CCDC57: variants seen among roughly 807,000 people sequenced by gnomAD.
CCDC57 encodes coiled-coil domain-containing protein 57.
A neutral mutation model predicts 118.9 loss-of-function variants in CCDC57; 118 were observed. That is an observed-to-expected ratio of 0.99 (90% CI 0.86 to 1.16). The LOEUF is 1.16. Among genes scored for constraint, CCDC57 ranks in the 50% most tolerant of loss-of-function variants. CCDC57 has a pLI of 0.00. For missense variants in CCDC57, 1,300 were observed against 1,320.7 expected, an observed-to-expected ratio of 0.98 and a Z score of 0.24; for synonymous variants, 527 against 532.9, an observed-to-expected ratio of 0.99 and a Z score of 0.15.
intron 8 of CCDC57, among the ~76,000 whole-genome samples, chr17:82,186,569 A>C (rs908893285): frequency 6.6e-6 from 1 of 152,134 alleles, no homozygotes; most frequent in Non-Finnish European, 1.5e-5. Context: ...AATCTAGAGA[A>C]ACTATCCTGA....
chr17:82,182,305 G>A (rs2146469210), intron 9 of CCDC57, among the ~76,000 whole-genome samples: 1 of 149,658 alleles, frequency 6.7e-6, no homozygotes, highest in East Asian at 1.9e-4. Context: ...AATGCTGGAA[G>A]GAAGAGCTAA....
rs977981405 is a variant in CCDC57, at chr17:82,172,969, T to C, written c.1507-109A>G. ...CGCCCCTCTCGGGCCGGTCCCCCGC[T>C]TCAGCTTGGGCTGTGGTCCCTCCCC... On this transcript the variant is annotated intron_variant, in intron 11 of 19. Coordinates refer to ENST00000665763, the Ensembl canonical transcript of CCDC57. The surrounding 1 kb of genome is among the most constrained non-coding windows in gnomAD (Gnocchi z 5.2). 7 of 962,206 alleles carry C rather than the reference T, an allele frequency of 7.3e-6. No homozygotes were observed. Among genetic ancestry groups the C allele is most frequent in the Non-Finnish European group, 1.1e-5 (7 of 624,034 alleles). The allele number at this position is 962,206 out of a possible 1,614,324, so 59.6% of individuals were successfully genotyped here. A position where few individuals can be genotyped will look rare whatever the true frequency, so the allele number is the denominator to read the frequency against.
intron 11 of CCDC57, among the ~76,000 whole-genome samples, chr17:82,177,375 TA>T (rs1040563799): frequency 1.3e-5 from 2 of 150,638 alleles, no homozygotes; most frequent in African/African-American, 4.9e-5. Context: ...AAACTCTGTC[TA>T]AAAAAAACAA....
intron 8 of CCDC57, 128 bp downstream of exon 7, chr17:82,188,091 G>C: frequency 1.6e-6 from 1 of 637,602 alleles, no homozygotes. Context: ...AAGTGACTGA[G>C]AGCTACAGAA....
chr17:82,183,407 A>G (rs1442162550), intron 9 of CCDC57, among the ~76,000 whole-genome samples: 1 of 151,724 alleles, frequency 6.6e-6, no homozygotes, highest in African/African-American at 2.4e-5. Flanking sequence ...CTGGTCTCCA[A>G]CTCCTGGGTT....
At chr17:82,205,259 G>A (rs1599484551) in intron 2 of CCDC57, among the ~76,000 whole-genome samples, 1 of 152,292 alleles carries the variant, frequency 6.6e-6, no homozygotes, top group African/African-American at 2.4e-5. Flanking sequence ...AGGTCTGCGA[G>A]GTCTACGGGC....
At chr17:82,194,485 A>G (rs1458109532) in intron 5 of CCDC57, among the ~76,000 whole-genome samples, 1 of 151,838 alleles carries the variant, frequency 6.6e-6, no homozygotes, top group African/African-American at 2.4e-5. Context: ...TAATTTTTGT[A>G]TTTTTAGTAG....
At chr17:82,150,426 C>T (rs377729678) in intron 16 of CCDC57, among the ~76,000 whole-genome samples, 356 of 120,774 alleles carry the variant, frequency 2.9e-3, no homozygotes, top group East Asian at 7.7e-3. Context: ...GAACCTGACC[C>T]GCACCTAGAA....
chr17:82,113,629 G>A (rs2144955023), intron 19 of CCDC57: 2 of 717,508 alleles, frequency 2.8e-6, no homozygotes, highest in East Asian at 2.7e-5. Context: ...TCATGTTTGG[G>A]TGAAGGGCTC....
At chr17:82,183,606 C>T (rs866724431) in intron 9 of CCDC57, among the ~76,000 whole-genome samples, 168 bp downstream of exon 8, 13 of 152,156 alleles carry the variant, frequency 8.5e-5, no homozygotes, top group Admixed American at 6.5e-4. Flanking sequence ...TGTCTTCCCA[C>T]ACCACCCCTG....
intron 19 of CCDC57, among the ~76,000 whole-genome samples, chr17:82,121,618 A>G (rs2036691232): frequency 6.6e-6 from 1 of 152,212 alleles, no homozygotes; most frequent in Non-Finnish European, 1.5e-5. Flanking sequence ...GAGTGTCTGC[A>G]GCCATTGCGG....
At chr17:82,194,914 C>A (rs539545743) in intron 5 of CCDC57, among the ~76,000 whole-genome samples, 4 of 152,248 alleles carry the variant, frequency 2.6e-5, no homozygotes, top group Admixed American at 6.5e-5. Context: ...ACATGAGGAC[C>A]GGGCTGCGCC....
chr17:82,152,650 C>A (rs575263238), intron 15 of CCDC57, among the ~76,000 whole-genome samples: 26 of 152,344 alleles, frequency 1.7e-4, no homozygotes, highest in Non-Finnish European at 2.9e-4. Flanking sequence ...CGGGAGCCGA[C>A]GACCTACTTC....
exon 13 of CCDC57, chr17:82,171,748 G>C (rs763622261): frequency 6.2e-7 from 1 of 1,613,876 alleles, no homozygotes; most frequent in Admixed American, 1.7e-5. Context: ...CTCAGCATGA[G>C]GTGAGGACAT....
In CCDC57 at chr17:82,102,418, G is replaced by C. The variant is rs528210159; in HGVS notation, c.2900-552C>G. Among the ~76,000 whole-genome samples the C allele has an allele frequency of 9.1e-4, 138 of 152,388 alleles. 1 individual carries two copies. The South Asian group carries it at 0.016, about 17-fold the overall frequency. On this transcript the variant is annotated intron_variant, in intron 19 of 19. Transcript: ENST00000665763. ...GGCCCAGGAGTGCGCTACACACAGA[G>C]GCTGGGGCCTAAATGCCAGATAGCC...
chr17:82,170,507 C>CA (rs35462707), intron 13 of CCDC57, among the ~76,000 whole-genome samples: 49,608 of 99,028 alleles, frequency 0.5, 11,978 homozygotes, highest in East Asian at 0.87. Context: ...GACTCTGTCC[C>CA]AAAAAAAAAA....
At chr17:82,188,051 C>CA (rs11346964) in intron 8 of CCDC57, among the ~76,000 whole-genome samples, 168 bp downstream of exon 7, 6,908 of 124,292 alleles carry the variant, frequency 0.056, 262 homozygotes, top group Non-Finnish European at 0.089. Context: ...AAAGAAAAGG[C>CA]AAAAAAAAAA....
At chr17:82,190,093 T>G (rs2047473946) in intron 7 of CCDC57, among the ~76,000 whole-genome samples, 1 of 80,956 alleles carries the variant, frequency 1.2e-5, no homozygotes, top group Admixed American at 1.4e-4. Context: ...TATCCCAGTA[T>G]AGAGTGACCT....
At chr17:82,197,295 A>G (rs1342769348) in intron 4 of CCDC57, among the ~76,000 whole-genome samples, 1 of 151,946 alleles carries the variant, frequency 6.6e-6, no homozygotes, top group African/African-American at 2.4e-5. Context: ...ACAGCCCCTC[A>G]TCACACGTAA....
Sources: gnomAD v4.1 joint callset for allele counts (sites outside exome capture counted in the v4.1 genomes callset) on GRCh38, gnomAD v4.1.1 for gene constraint, Gnocchi (gnomAD v3.1) non-coding constraint, MANE v1.5 for transcripts, NCBI Gene and HGNC (gene_info 2026-07-23, HGNC 2026-07-21) for gene names.